The following KLHL6 variants were observed in gnomAD, a reference collection of about 807,000 sequenced individuals.
KLHL6 encodes kelch-like protein 6.
KLHL6 carries 41 observed loss-of-function variants against 58.6 expected under a neutral mutation model. The observed-to-expected ratio is 0.70, with a 90% CI of 0.55 to 0.91. The LOEUF (loss-of-function observed/expected upper bound fraction) is 0.91. KLHL6 is among the 40% of genes least tolerant of loss of function. The pLI, the probability that KLHL6 is intolerant of heterozygous loss-of-function variation, is 0.00. For synonymous variants in KLHL6, 338 were observed against 322.7 expected, an observed-to-expected ratio of 1.05 and a Z score of -0.51; for missense variants, 714 against 805.6, an observed-to-expected ratio of 0.89 and a Z score of 1.38.
chr3:183,509,848 A>C (rs769974291), intron 2 of KLHL6, among the ~76,000 whole-genome samples: 2 of 152,238 alleles, frequency 1.3e-5, no homozygotes, highest in Non-Finnish European at 2.9e-5. Context: ...TACTATATAA[A>C]TAATAGAAGG....
intron 1 of KLHL6, among the ~76,000 whole-genome samples, chr3:183,537,130 A>G (rs969866443): frequency 3.9e-5 from 6 of 152,196 alleles, no homozygotes; most frequent in Non-Finnish European, 7.3e-5. Flanking sequence ...CATATTCCTC[A>G]TAGACTATAC....
intron 1 of KLHL6, among the ~76,000 whole-genome samples, chr3:183,535,815 G>T (rs374655352): frequency 1.4e-4 from 21 of 152,104 alleles, no homozygotes; most frequent in African/African-American, 4.8e-4. Flanking sequence ...TCGCTCTGTC[G>T]CCCAGGCTGG....
chr3:183,520,023 A>G (rs369555467), intron 2 of KLHL6, among the ~76,000 whole-genome samples: 3 of 152,158 alleles, frequency 2.0e-5, no homozygotes, highest in African/African-American at 7.2e-5. Flanking sequence ...AAAAAGAACA[A>G]TATGAAATTC....
chr3:183,541,699 C>CA (rs371106385), intron 1 of KLHL6, among the ~76,000 whole-genome samples: 186 of 151,978 alleles, frequency 1.2e-3, no homozygotes, highest in African/African-American at 4.0e-3. Context: ...AACAAACAAA[C>CA]AAAAAAACCA....
chr3:183,493,739 G>A (rs13097268), intron 5 of KLHL6: 98,782 of 305,078 alleles, frequency 0.32, 18,675 homozygotes, highest in East Asian at 0.78. Flanking sequence ...TAGGAGAGAA[G>A]GCATCTGAGG....
intron 2 of KLHL6, among the ~76,000 whole-genome samples, chr3:183,516,782 G>A (rs55735251): frequency 2.6e-5 from 4 of 152,338 alleles, no homozygotes; most frequent in East Asian, 3.9e-4. Flanking sequence ...TGGCTTTGGC[G>A]TTATTGCAAA....
rs1454399072 is a variant in KLHL6 at position 183,487,828 on chromosome 3, T to G, written c.*4099A>C. 6.6e-6 allele frequency: 1 copy of G among 152,202 alleles called. No individual in the cohort carries two copies. The highest frequency in any genetic ancestry group is 2.4e-5 in the African/African-American group (1 of 41,442). 9.4% of individuals were successfully genotyped at this position (152,202 alleles called of 1,614,324 possible). A position where few individuals can be genotyped will look rare whatever the true frequency, so the allele number is the denominator to read the frequency against. On this transcript the variant is annotated 3_prime_UTR_variant, in exon 7 of 7. Coordinates refer to ENST00000341319, the MANE Select transcript of KLHL6 (RefSeq NM_130446.4). The stretch of plus-strand genomic sequence containing the variant: ...GAGATCTAATACAACACCCAGGTAT[T>G]AAGGGAAAAAATGATTTTGCAACCC...
rs995403412 is a variant in KLHL6 at position 183,489,770 on chromosome 3, T to C, written c.*2157A>G. Reference sequence around the variant, plus strand: ...AGAGCATTTCACACACCAACATACATTTATATTTATCTTCAATAATCTGGC... The same window carrying C: ...AGAGCATTTCACACACCAACATACACTTATATTTATCTTCAATAATCTGGC... On this transcript the variant is annotated 3_prime_UTR_variant, in exon 7 of 7. Transcript: ENST00000341319. 1 of 152,222 alleles carries C rather than the reference T, an allele frequency of 6.6e-6. No individual in the cohort carries two copies. The highest frequency in any genetic ancestry group is 1.5e-5 in the Non-Finnish European group (1 of 68,040). The allele number at this position is 152,222 out of a possible 1,614,324, so 9.4% of individuals were successfully genotyped here.
chr3:183,502,514 T>C (rs1717894897), intron 3 of KLHL6, among the ~76,000 whole-genome samples: 1 of 152,164 alleles, frequency 6.6e-6, no homozygotes, highest in Non-Finnish European at 1.5e-5. Context: ...CTTCTGAAAT[T>C]AGGCTATAAA....
At chr3:183,548,467 T>A (rs2108698699) in intron 1 of KLHL6, among the ~76,000 whole-genome samples, 1 of 152,296 alleles carries the variant, frequency 6.6e-6, no homozygotes, top group East Asian at 1.9e-4. Flanking sequence ...CTGCCTGGAA[T>A]CCTTGTCTGG....
intron 1 of KLHL6, among the ~76,000 whole-genome samples, chr3:183,533,172 C>T (rs1212206360): frequency 3.3e-5 from 5 of 152,284 alleles, no homozygotes; most frequent in East Asian, 1.9e-4. Flanking sequence ...CATCTCAACA[C>T]GGAGGGGATT....
Position 183,532,621 on chromosome 3 carries a change from G to T in KLHL6, c.294-4611C>A, listed in dbSNP as rs142973873. On this transcript the variant is annotated intron_variant, in intron 1 of 6. Transcript: ENST00000341319. ...TGAAGATTATGGATAGGATTTCTAG[G>T]TAACAAGCACAGTGAGTAAAGCCAT... Among the ~76,000 whole-genome samples the T allele has an allele frequency of 3.0e-3, 451 of 152,306 alleles. 11 individuals carry two copies. The highest frequency in any genetic ancestry group is 0.023 in the Admixed American group (359 of 15,300).
rs1291547470 is a variant in KLHL6, at chr3:183,508,226, A to G, written c.742T>C (p.Ser248Pro). 3.7e-6 allele frequency: 6 copies of G among 1,614,080 alleles called. No individual in the cohort carries two copies. Among genetic ancestry groups the G allele is most frequent in the Admixed American group, 3.3e-5 (2 of 60,020 alleles). ...TAGGGGAGTAAGCAGAGTCGTTCTG[A>G]TGGCTTGTGCCGGACCCAGCTCATC... ...TVMSWVRHKP[S>P]ERLCLLPYVL... The change falls in exon 3 of 7, where the codon TCA becomes CCA. Residue 248 changes from serine (S) to proline (P), a missense_variant. Coordinates refer to ENST00000341319, the MANE Select transcript of KLHL6 (RefSeq NM_130446.4).
In KLHL6 at chr3:183,489,595, C is replaced by T. The variant is rs898377891; in HGVS notation, c.*2332G>A. Reference sequence around the variant, plus strand: ...GTTTGCTGAATTGAACTAGATTACACTGTTACATTGCTTCAGTTGGGAGCT... The same window carrying T: ...GTTTGCTGAATTGAACTAGATTACATTGTTACATTGCTTCAGTTGGGAGCT... On this transcript the variant is annotated 3_prime_UTR_variant, in exon 7 of 7. Coordinates refer to ENST00000341319, the MANE Select transcript of KLHL6 (RefSeq NM_130446.4). 1.1e-4 allele frequency: 16 copies of T among 152,208 alleles called. No individual in the cohort carries two copies. The highest frequency in any genetic ancestry group is 3.9e-4 in the African/African-American group (16 of 41,470). The allele number at this position is 152,208 out of a possible 1,614,324, so 9.4% of individuals were successfully genotyped here. A position where few individuals can be genotyped will look rare whatever the true frequency, so the allele number is the denominator to read the frequency against.
Position 183,527,743 on chromosome 3 carries a change from T to C in KLHL6, c.459+102A>G, listed in dbSNP as rs1472392101. ...GTGTGCGTGTGTGTGTGTGTGTCCATGTCCCAGGTACAGGCCTGGGAGCTA... is the reference window on the plus strand; with the variant it reads ...GTGTGCGTGTGTGTGTGTGTGTCCACGTCCCAGGTACAGGCCTGGGAGCTA... On this transcript the variant is annotated intron_variant, in intron 2 of 6. Transcript: ENST00000341319. 5.6e-6 allele frequency: 5 copies of C among 893,762 alleles called. No individual in the cohort carries two copies. In the Admixed American group the frequency reaches 1.1e-4, roughly 20 times the overall value. The allele number at this position is 893,762 out of a possible 1,614,324, so 55.4% of individuals were successfully genotyped here.
intron 2 of KLHL6, among the ~76,000 whole-genome samples, chr3:183,515,148 C>T (rs748835335): frequency 2.0e-5 from 3 of 152,178 alleles, no homozygotes; most frequent in Non-Finnish European, 2.9e-5. Context: ...ACAAAACCAA[C>T]ACAAGAGAGA....
intron 1 of KLHL6, among the ~76,000 whole-genome samples, chr3:183,550,467 C>T (rs1712874565): frequency 6.6e-6 from 1 of 152,008 alleles, no homozygotes; most frequent in Admixed American, 6.6e-5. Context: ...CTCCAAGGCA[C>T]ATCATTGTGA....
At chr3:183,544,798 A>ACG (rs1491085223) in intron 1 of KLHL6, 6 of 149,378 alleles carry the variant, frequency 4.0e-5, no homozygotes, top group South Asian at 4.4e-4. Context: ...ACACACACAC[A>ACG]CGCACAGCTC....
intron 1 of KLHL6, among the ~76,000 whole-genome samples, chr3:183,542,625 C>T (rs1577202468): frequency 2.0e-5 from 3 of 152,256 alleles, no homozygotes; most frequent in Middle Eastern, 6.8e-3. Context: ...CCTATAGCTC[C>T]CATGTAGCAA....
Sources: allele counts gnomAD v4.1 joint callset (sites outside exome capture counted in the v4.1 genomes callset), GRCh38; gene constraint gnomAD v4.1.1; transcripts MANE v1.5; gene names NCBI Gene and HGNC (gene_info 2026-07-23, HGNC 2026-07-21).